Variants in CMTM8 observed in about 807,000 individuals in gnomAD.
The protein encoded by CMTM8 is CKLF like MARVEL transmembrane domain containing 8, also known as CKLF-like MARVEL transmembrane domain-containing protein 8.
A neutral mutation model predicts 18.6 loss-of-function variants in CMTM8; 12 were observed. The observed-to-expected ratio is 0.65, with a 90% CI of 0.41 to 1.05. CMTM8 has a LOEUF of 1.05. CMTM8 is among the 50% of genes least tolerant of loss of function. The pLI, the probability that CMTM8 is intolerant of heterozygous loss-of-function variation, is 0.00. For missense variants in CMTM8, 217 were observed against 227.2 expected (o/e 0.95, Z 0.29); for synonymous variants, 87 against 90.6 (o/e 0.96, Z 0.23).
chr3:32,264,750 G>A (rs1053869026), intron 1 of CMTM8, among the ~76,000 whole-genome samples: 1 of 152,092 alleles, frequency 6.6e-6, no homozygotes, highest in African/African-American at 2.4e-5. Flanking sequence ...TAAAGGGGTG[G>A]AGGAAGATCT....
At position 32,238,759 on chromosome 3, in the gene CMTM8, G is replaced by A. The variant is rs1190280383; in HGVS notation, c.-214G>A. ...TCCTCTAGGGCCCCAGCGCAGCTCG[G>A]GAGCCCGCGCACCGAGGCGCTAGGG... On this transcript the variant is annotated 5_prime_UTR_variant, in exon 1 of 4. Transcript: ENST00000307526. 17 of 302,438 alleles carry A rather than the reference G, an allele frequency of 5.6e-5. No individual in the cohort carries two copies. The highest frequency in any genetic ancestry group is 9.6e-5 in the Non-Finnish European group (16 of 166,494). The allele number at this position is 302,438 out of a possible 1,614,324, so 18.7% of individuals were successfully genotyped here. A position where few individuals can be genotyped will look rare whatever the true frequency, so the allele number is the denominator to read the frequency against.
At chr3:32,363,759 G>A (rs567224555) in intron 2 of CMTM8, among the ~76,000 whole-genome samples, 1 of 152,242 alleles carries the variant, frequency 6.6e-6, no homozygotes, top group African/African-American at 2.4e-5. Flanking sequence ...AACCTACATG[G>A]AGATTCCCAA....
In CMTM8 at chr3:32,369,986, A is replaced by G; in HGVS notation, c.*19A>G. ...ACAGTGATTTACCATTTTGATAATT[A>G]AAAGGAAAAAAAAAGGAAGACTCTC... On this transcript the variant is annotated 3_prime_UTR_variant, in exon 4 of 4. Transcript: ENST00000307526. 1.4e-6 allele frequency: 2 copies of G among 1,451,148 alleles called. No homozygotes were observed. Among genetic ancestry groups the G allele is most frequent in the Non-Finnish European group, 1.9e-6 (2 of 1,049,408 alleles). The allele number at this position is 1,451,148 out of a possible 1,614,324, so 89.9% of individuals were successfully genotyped here.
chr3:32,284,071 G>A (rs1055099357), intron 1 of CMTM8, among the ~76,000 whole-genome samples: 2 of 152,180 alleles, frequency 1.3e-5, no homozygotes, highest in African/African-American at 4.8e-5. Flanking sequence ...GGCCAACATG[G>A]TGAAACCCTG....
At chr3:32,305,252 A>G (rs1695696921) in intron 1 of CMTM8, among the ~76,000 whole-genome samples, 2 of 133,180 alleles carry the variant, frequency 1.5e-5, no homozygotes, top group Non-Finnish European at 3.1e-5. Flanking sequence ...TTTTTTTCAG[A>G]CGGAGTCTCG....
At chr3:32,357,176 G>A (rs1298152243) in intron 1 of CMTM8, among the ~76,000 whole-genome samples, 197 bp from the exon 2 acceptor site, 1 of 152,162 alleles carries the variant, frequency 6.6e-6, no homozygotes, top group Non-Finnish European at 1.5e-5. Flanking sequence ...CCCGGGAGGT[G>A]GAGGTTGCAG....
At chr3:32,247,860 T>C (rs1702060766) in intron 1 of CMTM8, among the ~76,000 whole-genome samples, 1 of 152,214 alleles carries the variant, frequency 6.6e-6, no homozygotes, top group South Asian at 2.1e-4. Flanking sequence ...TCATCCCTAT[T>C]AGTAGTCACT....
At position 32,357,471 on chromosome 3, in the gene CMTM8, C is replaced by T. The variant is rs1360132247; in HGVS notation, c.246C>T (p.Val82=). ...TGTTTGTAGCTGTATTTTACTGGGT[C>T]CTCACCGTCTTCTTCCTCATTATCT... ...WVMFVAVFYW[V]LTVFFLIIYI... Residue 82 remains valine, a synonymous_variant, in exon 2 of 4, where the codon GTC becomes GTT. Coordinates refer to ENST00000307526, the MANE Select transcript of CMTM8 (RefSeq NM_178868.5). 1.2e-6 allele frequency: 2 copies of T among 1,614,026 alleles called. No homozygotes were observed. The highest frequency in any genetic ancestry group is 2.2e-5 in the South Asian group (2 of 91,062).
intron 1 of CMTM8, among the ~76,000 whole-genome samples, chr3:32,268,130 A>G (rs1054019659): frequency 2.0e-5 from 3 of 152,346 alleles, no homozygotes; most frequent in East Asian, 3.9e-4. Flanking sequence ...TGCTGCTATA[A>G]AGACACATGC....
intron 1 of CMTM8, among the ~76,000 whole-genome samples, chr3:32,249,746 G>C (rs1489694065): frequency 6.6e-6 from 1 of 152,120 alleles, no homozygotes; most frequent in South Asian, 2.1e-4. Context: ...TTTTATTGTT[G>C]AGTTGTACAA....
In CMTM8 at chr3:32,330,164, AT is replaced by A. The variant is rs1696244314; in HGVS notation, c.148-27207del. The stretch of plus-strand genomic sequence containing the variant: ...TCATATTATCAAAGATGATTCACAG[AT>A]TCAGTGCAATCCCAGTCAAAATCCC... On this transcript the variant is annotated intron_variant, in intron 1 of 3. Transcript: ENST00000307526. Among the ~76,000 whole-genome samples, 7 of 151,308 alleles carry A rather than the reference AT, an allele frequency of 4.6e-5. No homozygotes were observed. In the South Asian group the frequency reaches 1.5e-3, roughly 32 times the overall value.
intron 1 of CMTM8, among the ~76,000 whole-genome samples, chr3:32,319,900 C>T (rs1217046563): frequency 6.6e-6 from 1 of 152,176 alleles, no homozygotes; most frequent in Non-Finnish European, 1.5e-5. Flanking sequence ...TTGGGGGTTG[C>T]AGTCAGTACT....
intron 1 of CMTM8, among the ~76,000 whole-genome samples, chr3:32,330,713 A>C (rs1246407206): frequency 6.6e-6 from 1 of 152,078 alleles, no homozygotes; most frequent in Non-Finnish European, 1.5e-5. Context: ...AAAAATGGAC[A>C]AACATACCAA....
chr3:32,357,282 A>C, intron 1 of CMTM8, 91 bp from the exon 2 acceptor site: 35 of 920,560 alleles, frequency 3.8e-5, no homozygotes, highest in Non-Finnish European at 4.7e-5. Flanking sequence ...GACATTCTGT[A>C]TAATTATTTT....
At chr3:32,335,467 T>A (rs1052320873) in intron 1 of CMTM8, among the ~76,000 whole-genome samples, 5 of 152,148 alleles carry the variant, frequency 3.3e-5, no homozygotes, top group Non-Finnish European at 5.9e-5. Context: ...AGCATGGAAA[T>A]GTGTGCAGGT....
intron 2 of CMTM8, among the ~76,000 whole-genome samples, chr3:32,361,286 G>GTTTGTTTTTTTTTGTTTTTTTTT (rs140270969): frequency 1.1e-5 from 1 of 87,230 alleles, no homozygotes. Flanking sequence ...CAGCCTAAGA[G>GTTTGTTTTTTTTTGTTTTTTTTT]TTTTTTTTTC....
At chr3:32,293,690 AC>A (rs527985176) in intron 1 of CMTM8, among the ~76,000 whole-genome samples, 1,915 of 152,290 alleles carry the variant, frequency 0.013, 25 homozygotes, top group Non-Finnish European at 0.019. Flanking sequence ...TACTAAAAAT[AC>A]AAAAATTAGC....
At chr3:32,324,271 A>G (rs553195460) in intron 1 of CMTM8, among the ~76,000 whole-genome samples, 2 of 152,334 alleles carry the variant, frequency 1.3e-5, no homozygotes, top group Admixed American at 1.3e-4. Flanking sequence ...TAACATTAAA[A>G]AAAAAACTTT....
chr3:32,326,491 T>C (rs1027893807), intron 1 of CMTM8, among the ~76,000 whole-genome samples: 1 of 151,032 alleles, frequency 6.6e-6, no homozygotes, highest in African/African-American at 2.4e-5. Flanking sequence ...CTGCTTACAC[T>C]GAGGTCCTGA....
Sources: gnomAD v4.1 joint callset for allele counts (sites outside exome capture counted in the v4.1 genomes callset) on GRCh38, gnomAD v4.1.1 for gene constraint, MANE v1.5 for transcripts, NCBI Gene and HGNC (gene_info 2026-07-23, HGNC 2026-07-21) for gene names.